PARD3B: variants seen among roughly 807,000 people sequenced by gnomAD.
The protein encoded by PARD3B is par-3 family cell polarity regulator beta, also known as partitioning defective 3 homolog B.
A neutral mutation model predicts 130.2 loss-of-function variants in PARD3B; 103 were observed. The observed-to-expected ratio is 0.79, with a 90% CI of 0.67 to 0.93. The LOEUF is 0.93. Ranked by LOEUF, PARD3B falls within the 40% of genes least tolerant of loss-of-function variation. The pLI, the probability that PARD3B is intolerant of heterozygous loss-of-function variation, is 0.00. For synonymous variants in PARD3B, 583 were observed against 553.2 expected, an observed-to-expected ratio of 1.05 and a Z score of -0.76; for missense variants, 1,609 against 1,499.2, an observed-to-expected ratio of 1.07 and a Z score of -1.21.
chr2:205,567,301 CTTGTT>C (rs2053378221), intron 22 of PARD3B, among the ~76,000 whole-genome samples: 2 of 120,428 alleles, frequency 1.7e-5, no homozygotes, highest in Non-Finnish European at 3.3e-5. Context: ...TAGAACATTC[CTTGTT>C]TTTTTTTTTT....
At chr2:204,715,499 T>TC (rs1438059034) in intron 2 of PARD3B, among the ~76,000 whole-genome samples, 3 of 151,500 alleles carry the variant, frequency 2.0e-5, no homozygotes, top group African/African-American at 2.4e-5. Context: ...TTTTTTTTTT[T>TC]CTGCTGCTGT....
chr2:205,508,575 GA>G (rs11293944), intron 21 of PARD3B, among the ~76,000 whole-genome samples: 124,457 of 134,450 alleles, frequency 0.93, 57,945 homozygotes, highest in Non-Finnish European at 0.99. Flanking sequence ...CTTTCTCCAA[GA>G]AAAAAAAAAA....
At chr2:204,701,256 G>A (rs894295043) in intron 2 of PARD3B, among the ~76,000 whole-genome samples, 2 of 152,148 alleles carry the variant, frequency 1.3e-5, no homozygotes, top group African/African-American at 2.4e-5. Context: ...TCTATTTACT[G>A]TAATTAAAAT....
chr2:204,894,469 G>A (rs2046570968), intron 2 of PARD3B, among the ~76,000 whole-genome samples: 1 of 150,594 alleles, frequency 6.6e-6, no homozygotes, highest in Admixed American at 6.6e-5. Flanking sequence ...TTCCTGTCAT[G>A]GGCAAGTCAA....
chr2:204,778,192 G>A (rs1404493930), intron 2 of PARD3B, among the ~76,000 whole-genome samples: 2 of 150,566 alleles, frequency 1.3e-5, no homozygotes, highest in East Asian at 1.9e-4. Flanking sequence ...TCTATATTCT[G>A]CTTCCTTGTG....
intron 18 of PARD3B, among the ~76,000 whole-genome samples, chr2:205,334,927 C>G (rs2043256394): frequency 1.3e-5 from 2 of 152,170 alleles, no homozygotes; most frequent in South Asian, 2.1e-4. Flanking sequence ...TGACACATTC[C>G]TCCCTCAAAT....
At chr2:204,620,496 G>A (rs1409100662) in intron 1 of PARD3B, among the ~76,000 whole-genome samples, 1 of 152,160 alleles carries the variant, frequency 6.6e-6, no homozygotes, top group Non-Finnish European at 1.5e-5. Context: ...ACATCAGAGG[G>A]GACAGGGAAG....
At chr2:205,124,046 T>C (rs1268132408) in intron 8 of PARD3B, among the ~76,000 whole-genome samples, 2 of 152,210 alleles carry the variant, frequency 1.3e-5, no homozygotes, top group African/African-American at 2.4e-5. Context: ...GTCAATCTCC[T>C]GGGCATCTGG....
chr2:204,706,428 G>T (rs974603000), intron 2 of PARD3B, among the ~76,000 whole-genome samples: 10 of 151,814 alleles, frequency 6.6e-5, no homozygotes, highest in Non-Finnish European at 1.3e-4. Flanking sequence ...GATTTGAGAA[G>T]AAAATAAGGG....
At chr2:205,480,693 C>T (rs938354988) in intron 20 of PARD3B, among the ~76,000 whole-genome samples, 6 of 152,138 alleles carry the variant, frequency 3.9e-5, no homozygotes, top group Non-Finnish European at 7.4e-5. Flanking sequence ...GGTAAAACAG[C>T]CTGAACAGGA....
At chr2:205,161,042 T>A (rs1347397395) in intron 11 of PARD3B, among the ~76,000 whole-genome samples, 3 of 152,216 alleles carry the variant, frequency 2.0e-5, no homozygotes, top group African/African-American at 7.2e-5. Flanking sequence ...TGTTTGTGGA[T>A]ACCAGCTTGA....
At chr2:204,867,460 CTT>C (rs2045470942) in intron 2 of PARD3B, among the ~76,000 whole-genome samples, 1 of 152,080 alleles carries the variant, frequency 6.6e-6, no homozygotes, top group African/African-American at 2.4e-5. Flanking sequence ...GTGAAAATAA[CTT>C]TTTGCAAAAC....
chr2:204,640,255 C>CA (rs1259483186), intron 1 of PARD3B, among the ~76,000 whole-genome samples: 2 of 151,982 alleles, frequency 1.3e-5, no homozygotes, highest in Non-Finnish European at 2.9e-5. Context: ...GACCCTGTCT[C>CA]AAAAAAACAA....
Position 205,050,131 on chromosome 2 carries a change from A to G in PARD3B, c.504+2441A>G, listed in dbSNP as rs149425037. Among the ~76,000 whole-genome samples, 549 of 151,396 alleles carry G rather than the reference A, an allele frequency of 3.6e-3. 3 individuals carry two copies. The highest frequency in any genetic ancestry group is 0.012 in the African/African-American group (508 of 41,386). ...GCAAGACACGTGTAAGTCTAGGAAG[A>G]GTCCTAAAAGTTCTTAGAAATTAAC... On this transcript the variant is annotated intron_variant, in intron 4 of 22. Coordinates refer to ENST00000406610, the MANE Select transcript of PARD3B (RefSeq NM_001302769.2).
intron 5 of PARD3B, among the ~76,000 whole-genome samples, chr2:205,106,236 C>T (rs1177820053): frequency 6.6e-6 from 1 of 152,046 alleles, no homozygotes; most frequent in African/African-American, 2.4e-5. Context: ...CAACCTCCGC[C>T]CCCCAGGTTC....
chr2:204,992,408 G>A (rs1221966801), intron 3 of PARD3B, among the ~76,000 whole-genome samples: 2 of 115,928 alleles, frequency 1.7e-5, no homozygotes, highest in Admixed American at 9.9e-5. Context: ...CGTTATTTCT[G>A]AGGGCTCTGT....
At chr2:204,734,332 T>C (rs2039650531) in intron 2 of PARD3B, among the ~76,000 whole-genome samples, 1 of 152,210 alleles carries the variant, frequency 6.6e-6, no homozygotes, top group Non-Finnish European at 1.5e-5. Context: ...GAATTTAGAA[T>C]AGTCTAATCA....
intron 4 of PARD3B, among the ~76,000 whole-genome samples, chr2:205,069,464 CT>C (rs1700587919): frequency 6.6e-6 from 1 of 152,028 alleles, no homozygotes; most frequent in African/African-American, 2.4e-5. Context: ...GGTTTTATTT[CT>C]GACCACCATT....
At chr2:205,474,590 T>G (rs2048962892) in intron 20 of PARD3B, among the ~76,000 whole-genome samples, 1 of 152,178 alleles carries the variant, frequency 6.6e-6, no homozygotes, top group African/African-American at 2.4e-5. Context: ...TTTCAGAGTT[T>G]TCAGTGTTAT....
Sources: allele counts gnomAD v4.1 joint callset (sites outside exome capture counted in the v4.1 genomes callset), GRCh38; gene constraint gnomAD v4.1.1; transcripts MANE v1.5; gene names NCBI Gene and HGNC (gene_info 2026-07-23, HGNC 2026-07-21).